The following DPP10 variants were observed in gnomAD, a reference collection of about 807,000 sequenced individuals.
DPP10 encodes the protein dipeptidyl peptidase like 10.
Under a neutral mutation model 120.9 loss-of-function variants are expected in DPP10, and 33 were observed. The ratio of observed to expected loss-of-function variants is 0.27; its 90% confidence interval spans 0.21 to 0.37. DPP10 has a LOEUF of 0.37. Among genes scored for constraint, DPP10 ranks in the 10% least tolerant of loss-of-function variants. DPP10 has a pLI of 1.00. For missense variants in DPP10, 816 were observed against 942.8 expected (o/e 0.87, Z 1.76); for synonymous variants, 337 against 326.1 (o/e 1.03, Z -0.36).
intron 10 of DPP10, among the ~76,000 whole-genome samples, chr2:115,752,255 C>G (rs546136765): frequency 2.6e-5 from 4 of 152,142 alleles, no homozygotes; most frequent in Admixed American, 1.3e-4. Flanking sequence ...TGTTCTGAAA[C>G]TGGGCAAGTT....
At chr2:114,807,464 A>G (rs564323371) in intron 1 of DPP10, among the ~76,000 whole-genome samples, 1 of 152,252 alleles carries the variant, frequency 6.6e-6, no homozygotes, top group African/African-American at 2.4e-5. Context: ...TTTTAACTAT[A>G]ATTTCCCTGC....
intron 3 of DPP10, among the ~76,000 whole-genome samples, chr2:115,474,717 A>AC (rs2105210514): frequency 8.6e-6 from 1 of 116,022 alleles, no homozygotes; most frequent in African/African-American, 3.4e-5. Context: ...CTGCACCCTG[A>AC]CCATGTGATA....
At chr2:114,906,100 C>T (rs546413353) in intron 1 of DPP10, among the ~76,000 whole-genome samples, 5 of 152,024 alleles carry the variant, frequency 3.3e-5, no homozygotes, top group African/African-American at 9.7e-5. Context: ...GAACCTGGGC[C>T]GGGCACGGGG....
chr2:115,089,812 C>T (rs1001361378), intron 1 of DPP10, among the ~76,000 whole-genome samples: 1 of 152,230 alleles, frequency 6.6e-6, no homozygotes, highest in African/African-American at 2.4e-5. Flanking sequence ...GCAGTCTGCA[C>T]TTTCATGTTC....
intron 1 of DPP10, among the ~76,000 whole-genome samples, chr2:114,475,256 G>A (rs766391): frequency 0.053 from 8,070 of 152,200 alleles, 685 homozygotes; most frequent in African/African-American, 0.18. Context: ...CTGGCACAGA[G>A]GTTTTTATAA....
intron 1 of DPP10, among the ~76,000 whole-genome samples, chr2:114,624,850 CA>C (rs1261782405): frequency 2.0e-5 from 3 of 151,912 alleles, no homozygotes; most frequent in Non-Finnish European, 4.4e-5. Flanking sequence ...CCATCTTCAA[CA>C]GCCATCAACT....
At chr2:115,268,373 C>T (rs1389804621) in intron 1 of DPP10, among the ~76,000 whole-genome samples, 2 of 152,192 alleles carry the variant, frequency 1.3e-5, no homozygotes, top group East Asian at 1.9e-4. Context: ...AGCTTCATTA[C>T]TTTCTGCAAA....
chr2:115,348,207 A>T (rs560028263), intron 3 of DPP10, among the ~76,000 whole-genome samples: 1 of 152,226 alleles, frequency 6.6e-6, no homozygotes, highest in South Asian at 2.1e-4. Flanking sequence ...TCCCAACACT[A>T]TTAATTTTTT....
chr2:114,733,953 T>A (rs1004453593), intron 1 of DPP10, among the ~76,000 whole-genome samples: 3 of 152,160 alleles, frequency 2.0e-5, no homozygotes, highest in Admixed American at 6.5e-5. Flanking sequence ...AGCTCTGATT[T>A]TTTTATTTGC....
In DPP10 at chr2:114,884,585, G is replaced by A. The variant is rs529157525; in HGVS notation, c.61-424654G>A. On this transcript the variant is annotated intron_variant, in intron 1 of 25. Coordinates refer to ENST00000410059, the MANE Select transcript of DPP10 (RefSeq NM_020868.6). Reference sequence around the variant, plus strand: ...TGTTTTTTTATTTCAATAGGTTTTCGAGGAACAGGTGGTGTTTGGTTATAT... The same window carrying A: ...TGTTTTTTTATTTCAATAGGTTTTCAAGGAACAGGTGGTGTTTGGTTATAT... Among the ~76,000 whole-genome samples the A allele has an allele frequency of 2.3e-4, 35 of 152,004 alleles. 1 individual carries two copies. The highest frequency in any genetic ancestry group is 1.0e-3 in the South Asian group (5 of 4,806).
intron 1 of DPP10, among the ~76,000 whole-genome samples, chr2:115,302,166 T>G (rs996687119): frequency 6.6e-6 from 1 of 151,854 alleles, no homozygotes; most frequent in Non-Finnish European, 1.5e-5. Flanking sequence ...CATCACGTCT[T>G]GTGAGAACTC....
intron 17 of DPP10, among the ~76,000 whole-genome samples, chr2:115,786,403 G>T (rs951639895): frequency 2.6e-5 from 4 of 152,074 alleles, no homozygotes; most frequent in Non-Finnish European, 4.4e-5. Flanking sequence ...AAGTAGTTTG[G>T]ATTCAATCAT....
chr2:115,018,354 CT>C (rs1280269275), intron 1 of DPP10, among the ~76,000 whole-genome samples: 4 of 152,144 alleles, frequency 2.6e-5, no homozygotes, highest in African/African-American at 9.7e-5. Flanking sequence ...AATCCCATTA[CT>C]GGGTATATAC....
At chr2:114,842,086 G>C (rs980887999) in intron 1 of DPP10, among the ~76,000 whole-genome samples, 1 of 152,056 alleles carries the variant, frequency 6.6e-6, no homozygotes, top group African/African-American at 2.4e-5. Flanking sequence ...TCAAAAGCTT[G>C]GATTTTCTAG....
chr2:115,632,112 A>G (rs1296884894), intron 5 of DPP10, among the ~76,000 whole-genome samples: 3 of 152,188 alleles, frequency 2.0e-5, no homozygotes, highest in African/African-American at 4.8e-5. Flanking sequence ...GGGTACATAT[A>G]TATTTCTGAT....
At chr2:115,541,230 C>A (rs2079152587) in intron 5 of DPP10, among the ~76,000 whole-genome samples, 1 of 151,796 alleles carries the variant, frequency 6.6e-6, no homozygotes, top group Non-Finnish European at 1.5e-5. Flanking sequence ...TATGGGGCAA[C>A]ATCCCATGCC....
intron 5 of DPP10, among the ~76,000 whole-genome samples, chr2:115,651,203 AAATT>A (rs1386387508): frequency 6.6e-6 from 1 of 152,110 alleles, no homozygotes; most frequent in Non-Finnish European, 1.5e-5. Flanking sequence ...TGAAACCTGC[AAATT>A]AATTAAAAGC....
intron 1 of DPP10, among the ~76,000 whole-genome samples, chr2:114,452,586 T>A (rs1349075263): frequency 6.6e-6 from 1 of 152,184 alleles, no homozygotes; most frequent in Non-Finnish European, 1.5e-5. Context: ...ACCACACTTA[T>A]GATCATGGTC....
chr2:115,241,983 GTTGT>G (rs2105576600), intron 1 of DPP10, among the ~76,000 whole-genome samples: 1 of 152,200 alleles, frequency 6.6e-6, no homozygotes, highest in Non-Finnish European at 1.5e-5. Flanking sequence ...TTTTTAAATA[GTTGT>G]TTGGTGGTAC....
Sources: allele counts gnomAD v4.1 joint callset (sites outside exome capture counted in the v4.1 genomes callset), GRCh38; gene constraint gnomAD v4.1.1; transcripts MANE v1.5; gene names NCBI Gene and HGNC (gene_info 2026-07-23, HGNC 2026-07-21).